The following LCLAT1 variants were observed in gnomAD, a reference collection of about 807,000 sequenced individuals.
LCLAT1 encodes lysocardiolipin acyltransferase 1.
In LCLAT1, 11 loss-of-function variants were observed where a neutral mutation model predicts 30.7. The ratio of observed to expected loss-of-function variants is 0.36; its 90% confidence interval spans 0.23 to 0.59. The LOEUF (loss-of-function observed/expected upper bound fraction) is 0.59. Ranked by LOEUF, LCLAT1 falls within the 20% of genes least tolerant of loss-of-function variation. The pLI is 0.77. For missense variants in LCLAT1, 402 were observed against 458.6 expected, an observed-to-expected ratio of 0.88 and a Z score of 1.13; for synonymous variants, 155 against 151.3, an observed-to-expected ratio of 1.02 and a Z score of -0.18.
Position 30,640,784 on chromosome 2 carries a change from A to T in LCLAT1, c.*165A>T. On this transcript the variant is annotated 3_prime_UTR_variant, in exon 6 of 6. Coordinates refer to ENST00000379509, the MANE Select transcript of LCLAT1 (RefSeq NM_001002257.3). ...AATTTTGTGGGAAAAATATTGCTACAATTTTTTTTAATCTCTGAATGTAAT... is the reference window on the plus strand; with the variant it reads ...AATTTTGTGGGAAAAATATTGCTACTATTTTTTTTAATCTCTGAATGTAAT... 1.3e-6 allele frequency: 1 copy of T among 796,310 alleles called. No homozygotes were observed. The highest frequency in any genetic ancestry group is 1.9e-6 in the Non-Finnish European group (1 of 527,418). 49.3% of individuals were successfully genotyped at this position (796,310 alleles called of 1,614,324 possible).
intron 1 of LCLAT1, among the ~76,000 whole-genome samples, chr2:30,469,322 G>C (rs1201576189): frequency 6.6e-6 from 1 of 151,844 alleles, no homozygotes; most frequent in East Asian, 1.9e-4. Context: ...CCAAATCCAA[G>C]GTTGTGAAGA....
chr2:30,476,374 G>A (rs974306949), intron 1 of LCLAT1: 11 of 456,474 alleles, frequency 2.4e-5, no homozygotes, highest in East Asian at 6.9e-5. Context: ...TGGCAGGACA[G>A]CAATCAAAGT....
chr2:30,519,240 G>C (rs1307060460), intron 1 of LCLAT1, among the ~76,000 whole-genome samples: 1 of 152,142 alleles, frequency 6.6e-6, no homozygotes, highest in African/African-American at 2.4e-5. Flanking sequence ...TGTTAAGTTT[G>C]TCTCTTCCAG....
chr2:30,455,787 A>G lies in LCLAT1; in HGVS notation c.-5+8404A>G, dbSNP rs1056085517. On this transcript the variant is annotated intron_variant, in intron 1 of 5. Transcript: ENST00000379509. ...TAGCCAGATGTGGTGGCATGTGCCT[A>G]TAGTCCTAGCTACTTGGGAGGCTGC... is the stretch of plus-strand genomic sequence containing the variant. Among the ~76,000 whole-genome samples the G allele has an allele frequency of 7.9e-5, 12 of 151,848 alleles. No homozygotes were observed. The South Asian group carries it at 1.9e-3, about 24-fold the overall frequency.
chr2:30,529,612 C>T (rs530198945), intron 2 of LCLAT1, among the ~76,000 whole-genome samples: 1 of 152,244 alleles, frequency 6.6e-6, no homozygotes, highest in Non-Finnish European at 1.5e-5. Context: ...GAGTTCTGTC[C>T]TTTCACCATA....
chr2:30,465,347 G>A (rs1682366259), intron 1 of LCLAT1, among the ~76,000 whole-genome samples: 1 of 152,156 alleles, frequency 6.6e-6, no homozygotes, highest in South Asian at 2.1e-4. Context: ...AATAAGCAAG[G>A]AACAGATTCT....
At chr2:30,506,637 A>G (rs114663249) in intron 1 of LCLAT1, among the ~76,000 whole-genome samples, 1,734 of 152,294 alleles carry the variant, frequency 0.011, 11 homozygotes, top group Middle Eastern at 0.031. Flanking sequence ...TGAGACTCAA[A>G]AGGAAAACAA....
chr2:30,573,688 T>C (rs941494072), intron 5 of LCLAT1, among the ~76,000 whole-genome samples: 2 of 152,212 alleles, frequency 1.3e-5, no homozygotes, highest in Non-Finnish European at 2.9e-5. Context: ...GTTGGGTACC[T>C]TGCTTTATAT....
intron 1 of LCLAT1, among the ~76,000 whole-genome samples, chr2:30,469,383 G>A (rs1682646638): frequency 6.6e-6 from 1 of 151,794 alleles, no homozygotes; most frequent in African/African-American, 2.4e-5. Context: ...TTTGTGTTTA[G>A]GTTTTTGATA....
intron 1 of LCLAT1, among the ~76,000 whole-genome samples, chr2:30,475,002 C>T (rs1682978610): frequency 6.6e-6 from 1 of 150,502 alleles, no homozygotes; most frequent in African/African-American, 2.4e-5. Context: ...CCTTGCTAGT[C>T]TTATTCTGTG....
intron 3 of LCLAT1, among the ~76,000 whole-genome samples, chr2:30,548,035 C>T (rs1481946380): frequency 3.9e-5 from 6 of 152,026 alleles, no homozygotes; most frequent in Non-Finnish European, 8.8e-5. Context: ...TACATCTCTG[C>T]TTGTTTTTAG....
At chr2:30,633,084 G>T (rs920407881) in intron 5 of LCLAT1, among the ~76,000 whole-genome samples, 1 of 152,152 alleles carries the variant, frequency 6.6e-6, no homozygotes, top group African/African-American at 2.4e-5. Flanking sequence ...ACTGACTAGT[G>T]CCAATCTGTC....
At chr2:30,535,803 A>C (rs545352599) in intron 3 of LCLAT1, among the ~76,000 whole-genome samples, 1 of 152,266 alleles carries the variant, frequency 6.6e-6, no homozygotes, top group East Asian at 1.9e-4. Context: ...TTCTCCAGTT[A>C]ATATACCCCA....
At chr2:30,623,179 G>A (rs975291780) in intron 5 of LCLAT1, among the ~76,000 whole-genome samples, 4 of 150,314 alleles carry the variant, frequency 2.7e-5, no homozygotes, top group Admixed American at 2.0e-4. Context: ...TCAGCCTCCC[G>A]AGTAGCTGGG....
At chr2:30,547,635 A>G (rs1270052727) in intron 3 of LCLAT1, among the ~76,000 whole-genome samples, 1 of 151,994 alleles carries the variant, frequency 6.6e-6, no homozygotes, top group East Asian at 1.9e-4. Flanking sequence ...GCTTGTGGAC[A>G]GTATTGTGTT....
At chr2:30,611,628 G>GA (rs762417273) in intron 5 of LCLAT1, among the ~76,000 whole-genome samples, 1 of 152,156 alleles carries the variant, frequency 6.6e-6, no homozygotes, top group South Asian at 2.1e-4. Context: ...CTTACAGAAA[G>GA]AAGGTACCTT....
At chr2:30,513,286 CTA>C (rs1685025579) in intron 1 of LCLAT1, among the ~76,000 whole-genome samples, 1 of 151,504 alleles carries the variant, frequency 6.6e-6, no homozygotes, top group Non-Finnish European at 1.5e-5. Context: ...CTACATTTAA[CTA>C]TATGTATTTA....
intron 2 of LCLAT1, among the ~76,000 whole-genome samples, chr2:30,527,347 AT>A (rs1446283096): frequency 6.6e-6 from 1 of 152,194 alleles, no homozygotes; most frequent in South Asian, 2.1e-4. Flanking sequence ...GAGGTAAAAG[AT>A]TTTTTGTAAC....
intron 1 of LCLAT1, among the ~76,000 whole-genome samples, chr2:30,486,161 C>T (rs1345038152): frequency 6.6e-6 from 1 of 151,972 alleles, no homozygotes; most frequent in African/African-American, 2.4e-5. Context: ...TCCTCATTGC[C>T]TATGGGATAA....
Sources: allele counts gnomAD v4.1 joint callset (sites outside exome capture counted in the v4.1 genomes callset), GRCh38; gene constraint gnomAD v4.1.1; transcripts MANE v1.5; gene names NCBI Gene and HGNC (gene_info 2026-07-23, HGNC 2026-07-21).